The following XPO1 variants were observed in gnomAD, a reference collection of about 807,000 sequenced individuals.
The protein encoded by XPO1 is exportin 1, also known as exportin-1.
A neutral mutation model predicts 133.3 loss-of-function variants in XPO1; 5 were observed. That is an observed-to-expected ratio of 0.04 (90% CI 0.02 to 0.08). The LOEUF is 0.08. Ranked by LOEUF, XPO1 falls within the 10% of genes least tolerant of loss-of-function variation. XPO1 has a pLI of 1.00. For synonymous variants in XPO1, 419 were observed against 408.2 expected (o/e 1.03, Z -0.32); for missense variants, 506 against 1,267.5 (o/e 0.40, Z 9.12).
intron 2 of XPO1, among the ~76,000 whole-genome samples, chr2:61,531,524 G>GAACACT (rs1202870293): frequency 6.6e-6 from 1 of 152,144 alleles, no homozygotes; most frequent in African/African-American, 2.4e-5. Context: ...AAGCCATGAA[G>GAACACT]AACACTGCTC....
intron 4 of XPO1, among the ~76,000 whole-genome samples, chr2:61,509,613 C>T (rs1008506036): frequency 4.6e-5 from 7 of 151,398 alleles, no homozygotes; most frequent in Middle Eastern, 3.4e-3. Context: ...GCAACAAGAG[C>T]GAAACTCTGT....
Position 61,492,892 on chromosome 2 carries a change from A to G in XPO1, c.1384+23T>C. 1 of 1,583,846 alleles carries G rather than the reference A, an allele frequency of 6.3e-7. No individual in the cohort carries two copies. The highest frequency in any genetic ancestry group is 8.6e-7 in the Non-Finnish European group (1 of 1,166,544). The stretch of plus-strand genomic sequence containing the variant: ...CCAGAATAGATTTATAAAGGTAAAG[A>G]TTAACAGTATTTATTAACTTACCCA... On this transcript the variant is annotated intron_variant, in intron 13 of 24. Coordinates refer to ENST00000401558, the MANE Select transcript of XPO1 (RefSeq NM_003400.4). The surrounding 1 kb of genome is among the most constrained non-coding windows in gnomAD (Gnocchi z 5.6).
chr2:61,518,470 A>T (rs929855731), intron 4 of XPO1, among the ~76,000 whole-genome samples: 5 of 150,330 alleles, frequency 3.3e-5, no homozygotes, highest in African/African-American at 1.2e-4. Flanking sequence ...ACACAAAGTT[A>T]GCCGGGCGTG....
chr2:61,488,868 G>A (rs1696820872), intron 17 of XPO1, 97 bp from the exon 18 acceptor site: 8 of 1,306,432 alleles, frequency 6.1e-6, no homozygotes, highest in East Asian at 2.3e-5. Flanking sequence ...CTGAGAGGCC[G>A]AGGCGGGCGG....
At chr2:61,484,339 T>A (rs1696563571) in intron 20 of XPO1, 1 of 451,470 alleles carries the variant, frequency 2.2e-6, no homozygotes, top group Non-Finnish European at 3.9e-6. Flanking sequence ...ACAACCTTTT[T>A]AATAGAGAAC....
In XPO1 at chr2:61,478,872, G is replaced by C. The variant is rs750878622; in HGVS notation, c.3164C>G (p.Ser1055Cys). ...ADEEKHKRQM[S>C]VPGIFNPHEI... is the part of the protein sequence containing the mutation. ...ATGTGGATTAAAGATGCCAGGGACAGACATTTGACGTTTATGTTTCTCTTC... is the reference window on the plus strand; with the variant it reads ...ATGTGGATTAAAGATGCCAGGGACACACATTTGACGTTTATGTTTCTCTTC... The change falls in exon 25 of 25, where the codon TCT becomes TGT. Residue 1055 changes from serine to cysteine, a missense_variant. By Grantham distance (112) the Ser-to-Cys change is moderately radical. Coordinates refer to ENST00000401558, the MANE Select transcript of XPO1 (RefSeq NM_003400.4). 4 of 1,614,018 alleles carry C rather than the reference G, an allele frequency of 2.5e-6. No homozygotes were observed. The highest frequency in any genetic ancestry group is 3.4e-6 in the Non-Finnish European group (4 of 1,180,024).
At chr2:61,510,624 G>C (rs538985501) in intron 4 of XPO1, among the ~76,000 whole-genome samples, 1 of 152,088 alleles carries the variant, frequency 6.6e-6, no homozygotes, top group African/African-American at 2.4e-5. Flanking sequence ...ATTGACAGGA[G>C]CATCACTCAT....
chr2:61,535,680 A>G (rs1699328822), intron 1 of XPO1, among the ~76,000 whole-genome samples: 1 of 152,218 alleles, frequency 6.6e-6, no homozygotes, highest in African/African-American at 2.4e-5. Context: ...TGTAAAACTC[A>G]AGAAATTAGG....
At chr2:61,509,485 G>A (rs1486045181) in intron 4 of XPO1, among the ~76,000 whole-genome samples, 1 of 152,054 alleles carries the variant, frequency 6.6e-6, no homozygotes, top group Non-Finnish European at 1.5e-5. Context: ...AATTAGCCAG[G>A]CATGGTGCCG....
intron 17 of XPO1, among the ~76,000 whole-genome samples, chr2:61,490,135 C>A (rs1328417023): frequency 3.3e-5 from 5 of 150,924 alleles, no homozygotes; most frequent in Non-Finnish European, 5.9e-5. Flanking sequence ...GTGATCCACC[C>A]GTCTCGGTCT....
chr2:61,520,215 A>G (rs1698622624), intron 4 of XPO1, among the ~76,000 whole-genome samples: 1 of 152,216 alleles, frequency 6.6e-6, no homozygotes, highest in Non-Finnish European at 1.5e-5. Context: ...AAAAGGAAAT[A>G]AAATGTTTTA....
Position 61,492,553 on chromosome 2 carries a change from T to G in XPO1, c.1566+14A>C. ...TTATTTAGCAATTCTAATTCATACC[T>G]ATCCCTTGCATACCTTTATAACAGT... On this transcript the variant is annotated intron_variant, in intron 14 of 24. Transcript: ENST00000401558. The surrounding 1 kb of genome is among the most constrained non-coding windows in gnomAD (Gnocchi z 5.6). 6.2e-7 allele frequency: 1 copy of G among 1,605,368 alleles called. No individual in the cohort carries two copies. Among genetic ancestry groups the G allele is most frequent in the South Asian group, 1.1e-5 (1 of 88,958 alleles).
chr2:61,524,565 A>G (rs181221315), intron 3 of XPO1, among the ~76,000 whole-genome samples: 1 of 152,296 alleles, frequency 6.6e-6, no homozygotes, highest in East Asian at 1.9e-4. Context: ...CTAAAATCCA[A>G]TCTCTCCCAG....
At chr2:61,510,033 G>A (rs967342692) in intron 4 of XPO1, among the ~76,000 whole-genome samples, 5 of 152,010 alleles carry the variant, frequency 3.3e-5, no homozygotes, top group Non-Finnish European at 2.9e-5. Flanking sequence ...TAATCCTAGC[G>A]CTGTGGGAGG....
chr2:61,485,676 A>G, intron 20 of XPO1, 92 bp downstream of exon 20: 3 of 1,086,374 alleles, frequency 2.8e-6, no homozygotes, highest in Non-Finnish European at 3.9e-6. Context: ...CATGGCATTA[A>G]AATTATGTTA....
chr2:61,520,636 A>C (rs1383109563), intron 4 of XPO1, among the ~76,000 whole-genome samples: 2 of 152,222 alleles, frequency 1.3e-5, no homozygotes, highest in Non-Finnish European at 2.9e-5. Flanking sequence ...CAGAGTGAGA[A>C]TCTGTCTCAA....
At chr2:61,508,557 G>T (rs541261390) in intron 4 of XPO1, among the ~76,000 whole-genome samples, 1 of 152,262 alleles carries the variant, frequency 6.6e-6, no homozygotes, top group East Asian at 1.9e-4. Context: ...AGCTAACTTA[G>T]AAGGTACACA....
rs745645189 is a variant in XPO1, at chr2:61,481,212, A to G, written c.3042T>C (p.His1014=). 1.2e-6 allele frequency: 2 copies of G among 1,610,692 alleles called. No individual in the cohort carries two copies. The highest frequency in any genetic ancestry group is 3.4e-5 in the Admixed American group (2 of 59,436). The part of the protein sequence containing the change: ...LNQDIPAFKE[H]LRDFLVQIKE... ...TTATTTGAACTAGGAAATCTCTTAA[A>G]TGTTCCTTGAAAGCAGGAATATCTT... is the stretch of plus-strand genomic sequence containing the variant. Residue 1014 remains histidine, a synonymous_variant, in exon 24 of 25, where the codon CAT becomes CAC. Coordinates refer to ENST00000401558, the MANE Select transcript of XPO1 (RefSeq NM_003400.4).
intron 6 of XPO1, among the ~76,000 whole-genome samples, chr2:61,500,578 C>CAAAAAAAAAAAAAAAAAAA (rs56213841): frequency 1.2e-4 from 5 of 40,410 alleles, no homozygotes; most frequent in African/African-American, 6.7e-4. Context: ...GACTCCATCT[C>CAAAAAAAAAAAAAAAAAAA]AAAAAAAAAA....
Sources: gnomAD v4.1 joint callset for allele counts (sites outside exome capture counted in the v4.1 genomes callset) on GRCh38, gnomAD v4.1.1 for gene constraint, Gnocchi (gnomAD v3.1) non-coding constraint, MANE v1.5 for transcripts, NCBI Gene and HGNC (gene_info 2026-07-23, HGNC 2026-07-21) for gene names.